OXR1: variants seen among roughly 807,000 people sequenced by gnomAD.
OXR1 encodes oxidation resistance 1, also known as oxidation resistance protein 1.
OXR1 carries 41 observed loss-of-function variants against 104.6 expected under a neutral mutation model. That is an observed-to-expected ratio of 0.39 (90% CI 0.31 to 0.51). The LOEUF (loss-of-function observed/expected upper bound fraction) is 0.51. Ranked by LOEUF, OXR1 falls within the 20% of genes least tolerant of loss-of-function variation. OXR1 has a pLI of 0.77. For synonymous variants in OXR1, 348 were observed against 348.4 expected, an observed-to-expected ratio of 1.00 and a Z score of 0.01; for missense variants, 955 against 1,031.9, an observed-to-expected ratio of 0.93 and a Z score of 1.02.
chr8:106,327,011 CAT>C (rs1315840304), intron 1 of OXR1, among the ~76,000 whole-genome samples: 1 of 152,104 alleles, frequency 6.6e-6, no homozygotes, highest in African/African-American at 2.4e-5. Context: ...TTCACAAATA[CAT>C]ATATAATCAT....
intron 1 of OXR1, among the ~76,000 whole-genome samples, chr8:106,304,650 A>G (rs558040808): frequency 6.6e-6 from 1 of 152,180 alleles, no homozygotes; most frequent in Non-Finnish European, 1.5e-5. Flanking sequence ...CATTACTGCA[A>G]TTTAATTTAA....
intron 3 of OXR1, among the ~76,000 whole-genome samples, chr8:106,581,971 C>A (rs530154175): frequency 8.2e-5 from 11 of 133,652 alleles, no homozygotes; most frequent in African/African-American, 2.9e-4. Context: ...TTGCAGTAAA[C>A]TGAGGTCGCA....
chr8:106,705,007 G>A (rs867767762), intron 8 of OXR1, among the ~76,000 whole-genome samples: 4 of 152,134 alleles, frequency 2.6e-5, no homozygotes, highest in Non-Finnish European at 5.9e-5. Flanking sequence ...TCCTTGGGAG[G>A]TTGATTTCAA....
rs563796368 is a variant in OXR1 at position 106,637,029 on chromosome 8, A to T, written c.221-42181A>T. 5.3e-5 allele frequency among the ~76,000 whole-genome samples: 8 copies of T among 152,318 alleles called. No individual in the cohort carries two copies. In the South Asian group the frequency reaches 1.7e-3, roughly 32 times the overall value. ...TTGCTCATTAGCCCTCAGTGAGTACAAACAAAATCTGGTAGTCAAATCGTA... is the reference window on the plus strand; with the variant it reads ...TTGCTCATTAGCCCTCAGTGAGTACTAACAAAATCTGGTAGTCAAATCGTA... On this transcript the variant is annotated intron_variant, in intron 3 of 16. Coordinates refer to ENST00000517566, the MANE Select transcript of OXR1 (RefSeq NM_001198533.2).
intron 2 of OXR1, among the ~76,000 whole-genome samples, chr8:106,451,654 C>T (rs556257991): frequency 7.2e-5 from 11 of 152,242 alleles, no homozygotes; most frequent in East Asian, 1.9e-4. Context: ...ACAGGCATTA[C>T]GTTGCTTGAT....
chr8:106,596,234 T>C (rs945749293), intron 3 of OXR1, among the ~76,000 whole-genome samples: 1 of 151,922 alleles, frequency 6.6e-6, no homozygotes, highest in Non-Finnish European at 1.5e-5. Context: ...TCACTTGAGA[T>C]CAGGAGTTTG....
intron 2 of OXR1, among the ~76,000 whole-genome samples, chr8:106,439,343 G>A (rs1030055025): frequency 3.3e-5 from 5 of 151,874 alleles, no homozygotes; most frequent in Non-Finnish European, 7.4e-5. Flanking sequence ...GAGAGCCCTC[G>A]CCAAAAACCT....
At chr8:106,646,063 C>A (rs975166224) in intron 3 of OXR1, among the ~76,000 whole-genome samples, 2 of 151,984 alleles carry the variant, frequency 1.3e-5, no homozygotes, top group Non-Finnish European at 2.9e-5. Flanking sequence ...TTAGGTTTTT[C>A]CAATATTATT....
At chr8:106,375,674 A>G in intron 2 of OXR1, among the ~76,000 whole-genome samples, 1 of 152,238 alleles carries the variant, frequency 6.6e-6, no homozygotes, top group Non-Finnish European at 1.5e-5. Flanking sequence ...TTGCAATCAC[A>G]AATGGCTGGA....
chr8:106,364,774 C>G (rs778661066), intron 2 of OXR1, among the ~76,000 whole-genome samples: 3 of 152,098 alleles, frequency 2.0e-5, no homozygotes, highest in African/African-American at 7.2e-5. Flanking sequence ...TGTTCTTTGG[C>G]ACCTGCATTT....
chr8:106,466,738 G>A (rs894706905), intron 2 of OXR1, among the ~76,000 whole-genome samples: 1 of 151,798 alleles, frequency 6.6e-6, no homozygotes, highest in Admixed American at 6.6e-5. Flanking sequence ...ACATACCACA[G>A]TGTTGCGTCA....
intron 1 of OXR1, among the ~76,000 whole-genome samples, chr8:106,344,485 G>T (rs1455788198): frequency 1.3e-5 from 2 of 151,990 alleles, no homozygotes; most frequent in African/African-American, 4.8e-5. Flanking sequence ...CTACAGGCGC[G>T]TGCCACCATG....
At chr8:106,488,834 G>A (rs1161540106) in intron 2 of OXR1, among the ~76,000 whole-genome samples, 2 of 150,406 alleles carry the variant, frequency 1.3e-5, no homozygotes, top group Non-Finnish European at 3.0e-5. Context: ...TAGCCTTGTA[G>A]TATAGTTTGA....
intron 3 of OXR1, among the ~76,000 whole-genome samples, chr8:106,583,488 A>G (rs1818401735): frequency 6.6e-6 from 1 of 152,186 alleles, no homozygotes; most frequent in East Asian, 1.9e-4. Flanking sequence ...GTTCCAGTAA[A>G]AGATGGCGGA....
intron 2 of OXR1, among the ~76,000 whole-genome samples, chr8:106,408,931 G>A (rs1363201879): frequency 1.3e-5 from 2 of 152,092 alleles, no homozygotes; most frequent in Non-Finnish European, 2.9e-5. Flanking sequence ...CCCGTTTCAG[G>A]GAACGTCAGG....
chr8:106,396,370 C>T (rs1474615958), intron 2 of OXR1, among the ~76,000 whole-genome samples: 1 of 151,974 alleles, frequency 6.6e-6, no homozygotes, highest in Non-Finnish European at 1.5e-5. Flanking sequence ...ATCTCATGTA[C>T]CCCCTGATAG....
intron 1 of OXR1, among the ~76,000 whole-genome samples, chr8:106,337,784 C>A (rs1815025644): frequency 6.6e-6 from 1 of 152,066 alleles, no homozygotes; most frequent in Non-Finnish European, 1.5e-5. Flanking sequence ...TATTGGAAAT[C>A]ACCTTTCTCT....
chr8:106,706,190 G>A (rs1282580957), intron 8 of OXR1, among the ~76,000 whole-genome samples, 192 bp from the exon 9 acceptor site: 1 of 152,032 alleles, frequency 6.6e-6, no homozygotes, highest in East Asian at 1.9e-4. Context: ...TTGATTTATA[G>A]AATTACTTGG....
chr8:106,388,669 G>T (rs986440915), intron 2 of OXR1, among the ~76,000 whole-genome samples: 1 of 152,094 alleles, frequency 6.6e-6, no homozygotes, highest in East Asian at 1.9e-4. Flanking sequence ...TGATCCGCCC[G>T]CCTCGGCCTC....
Sources: gnomAD v4.1 joint callset for allele counts (sites outside exome capture counted in the v4.1 genomes callset) on GRCh38, gnomAD v4.1.1 for gene constraint, MANE v1.5 for transcripts, NCBI Gene and HGNC (gene_info 2026-07-23, HGNC 2026-07-21) for gene names.